The following ATAT1 variants were observed in gnomAD, a reference collection of about 807,000 sequenced individuals.
The protein encoded by ATAT1 is alpha tubulin acetyltransferase 1, also known as alpha-tubulin N-acetyltransferase 1.
ATAT1 carries 42 observed loss-of-function variants against 57.2 expected under a neutral mutation model. The observed-to-expected ratio is 0.73, with a 90% CI of 0.57 to 0.95. The LOEUF (loss-of-function observed/expected upper bound fraction) is 0.95. ATAT1 is among the 40% of genes least tolerant of loss of function. The pLI is 0.00. For synonymous variants in ATAT1, 168 were observed against 187.1 expected, an observed-to-expected ratio of 0.90 and a Z score of 0.83; for missense variants, 454 against 523.7, an observed-to-expected ratio of 0.87 and a Z score of 1.30.
chr6:30,643,289 G>T (rs1434548462), intron 10 of ATAT1: 2 of 1,421,740 alleles, frequency 1.4e-6, no homozygotes, highest in East Asian at 2.5e-5. Flanking sequence ...CGAGTTGGGG[G>T]AACAGAGCCT....
intron 8 of ATAT1, chr6:30,641,646 TC>T (rs1561925801): frequency 6.9e-6 from 3 of 435,262 alleles, no homozygotes; most frequent in East Asian, 1.6e-4. Context: ...ATATTTATTT[TC>T]TTTTTTTTTT....
chr6:30,640,196 G>C (rs1384774445), intron 6 of ATAT1, among the ~76,000 whole-genome samples, 181 bp from the exon 7 acceptor site: 1 of 151,774 alleles, frequency 6.6e-6, no homozygotes, highest in Non-Finnish European at 1.5e-5. Flanking sequence ...GTACAGGTTT[G>C]TAGCCTAGGA....
At chr6:30,640,161 A>G (rs998928727) in intron 6 of ATAT1, among the ~76,000 whole-genome samples, 5 of 151,864 alleles carry the variant, frequency 3.3e-5, no homozygotes, top group African/African-American at 1.2e-4. Context: ...AAAATTGCCT[A>G]CAGCATTCAG....
intron 10 of ATAT1, chr6:30,643,538 C>A: frequency 6.4e-7 from 1 of 1,550,834 alleles, no homozygotes; most frequent in Non-Finnish European, 8.7e-7. Flanking sequence ...GCTCCCTTCC[C>A]CGCTCTGAGG....
chr6:30,628,355 G>A lies in ATAT1; in HGVS notation c.426G>A (p.Leu142=). 6.2e-7 allele frequency: 1 copy of A among 1,613,036 alleles called. No homozygotes were observed. Among genetic ancestry groups the A allele is most frequent in the South Asian group, 1.1e-5 (1 of 91,086 alleles). The stretch of plus-strand genomic sequence containing the variant: ...AGGAGCGAGTGGAACCGCACCAACT[G>A]GCAATTGACCGACCCTCACAGAAGC... Residue 142 remains leucine (L), a synonymous_variant, in exon 6 of 13, where the codon CTG becomes CTA. Coordinates refer to ENST00000330083, the MANE Select transcript of ATAT1 (RefSeq NM_001031722.4).
chr6:30,629,051 C>T (rs1392715515), intron 6 of ATAT1, among the ~76,000 whole-genome samples: 1 of 152,028 alleles, frequency 6.6e-6, no homozygotes, highest in Non-Finnish European at 1.5e-5. Flanking sequence ...CAGGCATGCA[C>T]CACCATGCCT....
Position 30,642,838 on chromosome 6 carries a change from C to CG in ATAT1, c.759_760insG (p.Pro254AlafsTer46). 1.7e-6 allele frequency: 1 copy of CG among 599,412 alleles called. No homozygotes were observed. Among genetic ancestry groups the CG allele is most frequent in the Non-Finnish European group, 3.0e-6 (1 of 337,848 alleles). 37.1% of individuals were successfully genotyped at this position (599,412 alleles called of 1,614,324 possible). ...CTCGCCGCGCCACACCTCCAGCCCACCCACCCCCCCGCTCCAGCAGCCTGG... is the reference window on the plus strand; with the variant it reads ...CTCGCCGCGCCACACCTCCAGCCCACGCCACCCCCCCGCTCCAGCAGCCTGG... On this transcript the variant is annotated frameshift_variant, in exon 10 of 13. Coordinates refer to ENST00000330083, the MANE Select transcript of ATAT1 (RefSeq NM_001031722.4). LOFTEE classifies it high-confidence loss of function.
intron 6 of ATAT1, among the ~76,000 whole-genome samples, chr6:30,629,577 C>T (rs1366285795): frequency 6.6e-6 from 1 of 151,186 alleles, no homozygotes; most frequent in Non-Finnish European, 1.5e-5. Context: ...GACAGAGTCG[C>T]TCTGTCACCC....
intron 10 of ATAT1, chr6:30,644,266 GT>G (rs1766174366): frequency 2.0e-6 from 2 of 985,708 alleles, no homozygotes; most frequent in East Asian, 2.3e-4. Context: ...GAGGGAGGTT[GT>G]TTCTTGAGAG....
chr6:30,627,466 T>C lies in ATAT1; in HGVS notation c.78T>C (p.Asp26=). The change falls in exon 2 of 13, where the codon GAT becomes GAC. Residue 26 remains aspartate (D), a synonymous_variant. Coordinates refer to ENST00000330083, the MANE Select transcript of ATAT1 (RefSeq NM_001031722.4). ...ATTTCTTCTCTTTCTCTAGTGTTGA[T>C]CTACAGCAGCAAATTATGACCATTA... The C allele has an allele frequency of 6.2e-7, 1 of 1,613,634 alleles. No individual in the cohort carries two copies. Among genetic ancestry groups the C allele is most frequent in the Non-Finnish European group, 8.5e-7 (1 of 1,179,704 alleles).
At chr6:30,643,502 C>G (rs1765989045) in intron 10 of ATAT1, 1 of 1,550,400 alleles carries the variant, frequency 6.4e-7, no homozygotes, top group Non-Finnish European at 8.7e-7. Flanking sequence ...CATCTCCCTT[C>G]CTCCCATCCA....
rs748948147 is a variant in ATAT1 at position 30,627,569 on chromosome 6, G to A, written c.132+49G>A. 4 of 1,605,316 alleles carry A rather than the reference G, an allele frequency of 2.5e-6. No individual in the cohort carries two copies. The African/African-American group carries it at 5.4e-5, about 21-fold the overall frequency. On this transcript the variant is annotated intron_variant, in intron 2 of 12. Coordinates refer to ENST00000330083, the MANE Select transcript of ATAT1 (RefSeq NM_001031722.4). The stretch of plus-strand genomic sequence containing the variant: ...GTAAAGGGAGGACCTCTGTGGGGAT[G>A]GTATATAAGGGAGGCCTGGGTCCTT...
Position 30,628,375 on chromosome 6 carries a change from A to G in ATAT1, c.446A>G (p.Gln149Arg), listed in dbSNP as rs767877225. 6.2e-7 allele frequency: 1 copy of G among 1,613,100 alleles called. No individual in the cohort carries two copies. Among genetic ancestry groups the G allele is most frequent in the Non-Finnish European group, 8.5e-7 (1 of 1,180,042 alleles). ...CAACTGGCAATTGACCGACCCTCAC[A>G]GAAGCTGCTGAAATTCCTGAATAAG... Residue 149 changes from glutamine (Q) to arginine (R), a missense_variant, in exon 6 of 13, where the codon CAG becomes CGG. This residue lies in a region of ATAT1 where 236 missense variants were observed against 284.5 expected (regional missense o/e 0.83). Transcript: ENST00000330083.
At chr6:30,637,335 AT>A (rs34133609) in intron 6 of ATAT1, among the ~76,000 whole-genome samples, 1 of 151,730 alleles carries the variant, frequency 6.6e-6, no homozygotes, top group East Asian at 1.9e-4. Context: ...TAGAGTCCAC[AT>A]TTGAACCCAT....
At chr6:30,643,434 C>T in intron 10 of ATAT1, 1 of 1,533,440 alleles carries the variant, frequency 6.5e-7, no homozygotes, top group Non-Finnish European at 8.8e-7. Flanking sequence ...TTATTTCTCT[C>T]CCTTTCTCTT....
At chr6:30,642,420 A>ATC (rs1765650248) in intron 9 of ATAT1, among the ~76,000 whole-genome samples, 173 bp downstream of exon 9, 2 of 152,152 alleles carry the variant, frequency 1.3e-5, no homozygotes, top group Non-Finnish European at 2.9e-5. Flanking sequence ...AGGCAGGCAG[A>ATC]TCGCCTGAGT....
intron 6 of ATAT1, 78 bp from the exon 7 acceptor site, chr6:30,640,299 A>G (rs751816174): frequency 2.9e-4 from 435 of 1,489,954 alleles, no homozygotes; most frequent in Non-Finnish European, 3.8e-4. Context: ...CAATGAAATC[A>G]CCCAATGACG....
Position 30,626,938 on chromosome 6 carries a change from T to C in ATAT1, c.-266T>C. The C allele has an allele frequency of 6.2e-7, 1 of 1,609,488 alleles. No homozygotes were observed. Among genetic ancestry groups the C allele is most frequent in the Non-Finnish European group, 8.5e-7 (1 of 1,178,654 alleles). On this transcript the variant is annotated 5_prime_UTR_variant, in exon 1 of 13. Coordinates refer to ENST00000330083, the MANE Select transcript of ATAT1 (RefSeq NM_001031722.4). The stretch of plus-strand genomic sequence containing the variant: ...CTGTTCCCGGAGCGGATCACGGTGC[T>C]GGACCAGCACCTGAGGCCCCCAGCC...
chr6:30,633,740 C>A, intron 6 of ATAT1: 1 of 205,192 alleles, frequency 4.9e-6, no homozygotes, highest in Non-Finnish European at 1.1e-5. Context: ...AACGGGAACG[C>A]TAATGAGGAA....
Sources: allele counts gnomAD v4.1 joint callset (sites outside exome capture counted in the v4.1 genomes callset), GRCh38; gene constraint gnomAD v4.1.1; regional missense constraint gnomAD v4.1.1; transcripts MANE v1.5; gene names NCBI Gene and HGNC (gene_info 2026-07-23, HGNC 2026-07-21).